Variants in RHOH observed in about 807,000 individuals in gnomAD.
RHOH encodes the protein rho-related GTP-binding protein RhoH.
RHOH carries 6 observed loss-of-function variants against 13.8 expected under a neutral mutation model. The ratio of observed to expected loss-of-function variants is 0.44; its 90% confidence interval spans 0.24 to 0.86. The LOEUF (loss-of-function observed/expected upper bound fraction) is 0.86, where lower values mean the gene tolerates loss of function less well. RHOH is among the 40% of genes least tolerant of loss of function. RHOH has a pLI of 0.24. For synonymous variants in RHOH, 117 were observed against 103.0 expected (o/e 1.14, Z -0.82); for missense variants, 147 against 244.5 (o/e 0.60, Z 2.66).
chr4:40,213,874 A>G (rs142359540), intron 1 of RHOH, among the ~76,000 whole-genome samples: 1,548 of 152,212 alleles, frequency 0.01, 27 homozygotes, highest in African/African-American at 0.035. Context: ...TCTCCTGCTC[A>G]GCCTCCTGAG....
intron 1 of RHOH, among the ~76,000 whole-genome samples, chr4:40,199,396 G>C (rs1441256459): frequency 1.3e-5 from 2 of 152,190 alleles, no homozygotes; most frequent in South Asian, 2.1e-4. Context: ...ACAGGTGGAG[G>C]CTGGGAATTA....
intron 1 of RHOH, among the ~76,000 whole-genome samples, chr4:40,202,529 A>G (rs966668193): frequency 9.2e-5 from 14 of 152,200 alleles, no homozygotes; most frequent in African/African-American, 3.4e-4. Flanking sequence ...AGTAGTTTTA[A>G]CATTTAGGAG....
chr4:40,227,944 G>A lies in RHOH; in HGVS notation c.-330-14770G>A, dbSNP rs547030032. 5.3e-5 allele frequency among the ~76,000 whole-genome samples: 8 copies of A among 151,902 alleles called. No homozygotes were observed. The South Asian group carries it at 1.7e-3, about 31-fold the overall frequency. On this transcript the variant is annotated intron_variant, in intron 1 of 2. Coordinates refer to ENST00000381799, the MANE Select transcript of RHOH (RefSeq NM_004310.5). Reference sequence around the variant, plus strand: ...TAGGCCCATACATGGAATATAAATTGGTTCAATTTTTTATCTCTTCTGTTC... The same window carrying A: ...TAGGCCCATACATGGAATATAAATTAGTTCAATTTTTTATCTCTTCTGTTC...
chr4:40,193,821 A>G (rs1421748677), upstream of RHOH: 2 of 152,250 alleles, frequency 1.3e-5, no homozygotes, highest in African/African-American at 4.8e-5. Flanking sequence ...AGGTATGACA[A>G]TGCCCTTCCT....
chr4:40,193,508 G>GAGAGAGAGAGAGAGA (rs146365003), upstream of RHOH: 3 of 114,798 alleles, frequency 2.6e-5, no homozygotes, highest in African/African-American at 6.8e-5. Context: ...GAGAGAGAGA[G>GAGAGAGAGAGAGAGA]GAGAGGAGGG....
At chr4:40,237,525 C>G (rs1728735041) in intron 1 of RHOH, among the ~76,000 whole-genome samples, 1 of 152,074 alleles carries the variant, frequency 6.6e-6, no homozygotes, top group Admixed American at 6.5e-5. Context: ...CCTCATCCAT[C>G]CTGAGAAAGG....
chr4:40,204,814 G>T (rs2109373022), intron 1 of RHOH, among the ~76,000 whole-genome samples: 1 of 152,336 alleles, frequency 6.6e-6, no homozygotes, highest in South Asian at 2.1e-4. Context: ...GGCTAGAGTT[G>T]TTTCCCTTCA....
At chr4:40,212,534 CTT>C (rs1725386565) in intron 1 of RHOH, 1 of 152,146 alleles carries the variant, frequency 6.6e-6, no homozygotes, top group Non-Finnish European at 1.5e-5. Context: ...CCTCACCTCT[CTT>C]TTGTATATAG....
upstream of RHOH, among the ~76,000 whole-genome samples, chr4:40,191,621 G>A (rs1722713266): frequency 6.6e-6 from 1 of 152,046 alleles, no homozygotes; most frequent in South Asian, 2.1e-4. Flanking sequence ...ATTACTTTGG[G>A]TGCTATCATC....
chr4:40,216,486 A>G (rs1472926532), intron 1 of RHOH, among the ~76,000 whole-genome samples: 1 of 152,110 alleles, frequency 6.6e-6, no homozygotes, highest in Non-Finnish European at 1.5e-5. Flanking sequence ...AAAAAGAAAC[A>G]AAAAATAAAA....
intron 1 of RHOH, among the ~76,000 whole-genome samples, chr4:40,234,182 T>TC (rs5857720): frequency 0.63 from 96,073 of 151,888 alleles, 31,362 homozygotes; most frequent in Non-Finnish European, 0.7. Flanking sequence ...AAAACACGAG[T>TC]CTTTGGTAAA....
intron 1 of RHOH, among the ~76,000 whole-genome samples, chr4:40,239,326 C>T (rs1306247213): frequency 6.6e-6 from 1 of 152,188 alleles, no homozygotes; most frequent in African/African-American, 2.4e-5. Context: ...TTTCTCCTTT[C>T]TGACTCTCTA....
At chr4:40,242,448 G>A (rs571968168) in intron 1 of RHOH, among the ~76,000 whole-genome samples, 1 of 152,288 alleles carries the variant, frequency 6.6e-6, no homozygotes, top group South Asian at 2.1e-4. Flanking sequence ...GCTGAGGTGT[G>A]GAGTTCAAGC....
Position 40,226,440 on chromosome 4 carries a change from C to T in RHOH, c.-330-16274C>T, listed in dbSNP as rs1045495331. The stretch of plus-strand genomic sequence containing the variant: ...ACTTGGGAGGCTGAGGCAGGAGAAT[C>T]GCATGAACCCAGGAGGTGGAGTTTG... On this transcript the variant is annotated intron_variant, in intron 1 of 2. Coordinates refer to ENST00000381799, the MANE Select transcript of RHOH (RefSeq NM_004310.5). 4.0e-5 allele frequency among the ~76,000 whole-genome samples: 6 copies of T among 150,942 alleles called. No homozygotes were observed. In the East Asian group the frequency reaches 9.8e-4, roughly 25 times the overall value.
chr4:40,213,339 C>G (rs978415469), intron 1 of RHOH, among the ~76,000 whole-genome samples: 10 of 147,152 alleles, frequency 6.8e-5, no homozygotes, highest in Middle Eastern at 3.5e-3. Flanking sequence ...CCTGACTTCT[C>G]TCTCTCTCTC....
intron 1 of RHOH, among the ~76,000 whole-genome samples, chr4:40,206,750 A>G (rs1724687962): frequency 6.6e-6 from 1 of 152,318 alleles, no homozygotes; most frequent in Non-Finnish European, 1.5e-5. Flanking sequence ...CAATATTGTC[A>G]CTATATTCCT....
At chr4:40,211,711 A>G (rs1725292156) in intron 1 of RHOH, among the ~76,000 whole-genome samples, 1 of 152,224 alleles carries the variant, frequency 6.6e-6, no homozygotes, top group Non-Finnish European at 1.5e-5. Context: ...GTCATAAATG[A>G]TTGTGCATGA....
At chr4:40,232,734 C>T (rs748465634) in intron 1 of RHOH, among the ~76,000 whole-genome samples, 2 of 152,182 alleles carry the variant, frequency 1.3e-5, no homozygotes, top group African/African-American at 2.4e-5. Flanking sequence ...CTGCTCCCCA[C>T]TGAGCAGCCC....
chr4:40,235,605 A>AG (rs1209086517), intron 1 of RHOH, among the ~76,000 whole-genome samples: 174 of 147,360 alleles, frequency 1.2e-3, no homozygotes, highest in African/African-American at 2.7e-3. Context: ...AAAAAAAAAA[A>AG]AAAGAAAAAA....
Sources: allele counts gnomAD v4.1 joint callset (sites outside exome capture counted in the v4.1 genomes callset), GRCh38; gene constraint gnomAD v4.1.1; transcripts MANE v1.5; gene names NCBI Gene and HGNC (gene_info 2026-07-23, HGNC 2026-07-21).